Variants in NR2C1 observed in about 807,000 individuals in gnomAD.
NR2C1 encodes nuclear receptor subfamily 2 group C member 1.
A neutral mutation model predicts 74.8 loss-of-function variants in NR2C1; 33 were observed. The ratio of observed to expected loss-of-function variants is 0.44; its 90% CI spans 0.33 to 0.59. The LOEUF is 0.59. Among genes scored for constraint, NR2C1 ranks in the 20% least tolerant of loss-of-function variants. The probability of loss-of-function intolerance (pLI) is 0.02; values close to 1 mark genes in which losing one functional copy is unlikely to be tolerated. For missense variants in NR2C1, 568 were observed against 715.6 expected, an observed-to-expected ratio of 0.79 and a Z score of 2.35; for synonymous variants, 225 against 240.6, an observed-to-expected ratio of 0.94 and a Z score of 0.60.
At chr12:95,036,427 C>T (rs1349584315) in intron 10 of NR2C1, among the ~76,000 whole-genome samples, 1 of 133,496 alleles carries the variant, frequency 7.5e-6, no homozygotes, top group Non-Finnish European at 1.6e-5. Context: ...AAAGCATTAA[C>T]TTGTAAAATT....
intron 11 of NR2C1, chr12:95,030,936 A>G (rs1240860298): frequency 8.1e-7 from 1 of 1,235,930 alleles, no homozygotes; most frequent in Non-Finnish European, 1.2e-6. Flanking sequence ...TTTAGGTGAG[A>G]GAATACACTC....
chr12:95,038,372 G>C (rs1052932887), intron 10 of NR2C1, among the ~76,000 whole-genome samples: 8 of 152,204 alleles, frequency 5.3e-5, no homozygotes, highest in Admixed American at 6.5e-5. Context: ...TATAATAACT[G>C]ATAGCCTATC....
At chr12:95,049,038 A>T (rs1190755038) in intron 9 of NR2C1, 30 bp downstream of exon 9, 1 of 1,596,470 alleles carries the variant, frequency 6.3e-7, no homozygotes, top group African/African-American at 1.3e-5. Context: ...GCAACACAAC[A>T]TACAAGTTAA....
At chr12:95,068,307 C>T (rs1321170682) in intron 1 of NR2C1, among the ~76,000 whole-genome samples, 1 of 152,156 alleles carries the variant, frequency 6.6e-6, no homozygotes, top group African/African-American at 2.4e-5. Context: ...TCAATTATCT[C>T]TTTTAAGGCC....
chr12:95,072,970 G>T (rs773252411), intron 1 of NR2C1: 1 of 152,268 alleles, frequency 6.6e-6, no homozygotes, highest in African/African-American at 2.4e-5. Context: ...ACTCGTGCCG[G>T]CGTTAGCCGT....
At position 95,051,878 on chromosome 12, in the gene NR2C1, T is replaced by C; in HGVS notation, c.849A>G (p.Gly283=). 6.2e-7 allele frequency: 1 copy of C among 1,612,178 alleles called. No homozygotes were observed. Among genetic ancestry groups the C allele is most frequent in the Non-Finnish European group, 8.5e-7 (1 of 1,179,532 alleles). The part of the protein sequence containing the change: ...ANVVTSLANL[G]KTKDLSQNSN... Reference sequence around the variant, plus strand: ...TATTTTGAGAAAGATCTTTAGTTTTTCCAAGATTCGCTAATGATGTAACCA... The same window carrying C: ...TATTTTGAGAAAGATCTTTAGTTTTCCCAAGATTCGCTAATGATGTAACCA... The change falls in exon 8 of 14, where the codon GGA becomes GGG. Residue 283 remains glycine, a synonymous_variant. Transcript: ENST00000333003.
Position 95,061,295 on chromosome 12 carries a change from A to C in NR2C1, c.285+1213T>G, listed in dbSNP as rs371901794. 2.9e-4 allele frequency among the ~76,000 whole-genome samples: 44 copies of C among 152,340 alleles called. No individual in the cohort carries two copies. In the East Asian group the frequency reaches 7.7e-3, roughly 27 times the overall value. The stretch of plus-strand genomic sequence containing the variant: ...AAAACTAAGGAAAGTCTAAACACCT[A>C]TAAACTTCAGTTAACAATGTATCAG... On this transcript the variant is annotated intron_variant, in intron 3 of 13. Coordinates refer to ENST00000333003, the MANE Select transcript of NR2C1 (RefSeq NM_003297.4).
intron 13 of NR2C1, 144 bp from the exon 14 acceptor site, chr12:95,022,547 C>A: frequency 1.4e-6 from 1 of 714,022 alleles, no homozygotes. Flanking sequence ...TTAGTATTCT[C>A]AAGCCTTAGA....
chr12:95,035,495 C>T lies in NR2C1; in HGVS notation c.1254-4007G>A, dbSNP rs139866389. On this transcript the variant is annotated intron_variant, in intron 10 of 13. Coordinates refer to ENST00000333003, the MANE Select transcript of NR2C1 (RefSeq NM_003297.4). The stretch of plus-strand genomic sequence containing the variant: ...AAAATCAGAGCTGGCTTGTGCTATG[C>T]ATCTTGTAGTAAGAAAGTACCTTGG... 2.5e-3 allele frequency among the ~76,000 whole-genome samples: 385 copies of T among 152,220 alleles called. 11 individuals carry two copies. The highest frequency in any genetic ancestry group is 0.025 in the East Asian group (130 of 5,184).
chr12:95,050,363 C>T (rs1015047267), intron 8 of NR2C1, among the ~76,000 whole-genome samples: 1 of 152,152 alleles, frequency 6.6e-6, no homozygotes, highest in Non-Finnish European at 1.5e-5. Context: ...GGCTAGAGTA[C>T]AGTGGCGTGA....
At chr12:95,066,493 A>T (rs1223536349) in intron 2 of NR2C1, among the ~76,000 whole-genome samples, 1 of 152,228 alleles carries the variant, frequency 6.6e-6, no homozygotes, top group Non-Finnish European at 1.5e-5. Flanking sequence ...TTGGTTGAAA[A>T]GGGGAAGGAT....
At chr12:95,023,493 A>G (rs1289558692) in intron 13 of NR2C1, among the ~76,000 whole-genome samples, 2 of 152,248 alleles carry the variant, frequency 1.3e-5, no homozygotes, top group Non-Finnish European at 2.9e-5. Context: ...GCAAAAAACT[A>G]CTGGAAGTAG....
At chr12:95,038,613 C>G (rs1871145299) in intron 10 of NR2C1, among the ~76,000 whole-genome samples, 1 of 152,200 alleles carries the variant, frequency 6.6e-6, no homozygotes, top group African/African-American at 2.4e-5. Flanking sequence ...CAAAAATTAG[C>G]TGGGCTTGGT....
At chr12:95,052,108 A>G (rs1260867651) in intron 7 of NR2C1, among the ~76,000 whole-genome samples, 165 bp from the exon 8 acceptor site, 2 of 152,128 alleles carry the variant, frequency 1.3e-5, no homozygotes, top group African/African-American at 4.8e-5. Context: ...GGAAAATACA[A>G]GTTTAAAAAC....
intron 11 of NR2C1, chr12:95,030,852 AG>A: frequency 6.2e-7 from 1 of 1,613,512 alleles, no homozygotes; most frequent in Non-Finnish European, 8.5e-7. Flanking sequence ...GAAATGAATG[AG>A]GGCTGCAATT....
At chr12:95,056,223 G>A (rs1332218099) in intron 7 of NR2C1, among the ~76,000 whole-genome samples, 1 of 152,046 alleles carries the variant, frequency 6.6e-6, no homozygotes, top group African/African-American at 2.4e-5. Flanking sequence ...CCATTACTGT[G>A]CCACCACCGT....
intron 12 of NR2C1, among the ~76,000 whole-genome samples, chr12:95,026,672 T>A (rs1869404720): frequency 6.6e-6 from 1 of 152,102 alleles, no homozygotes; most frequent in African/African-American, 2.4e-5. Flanking sequence ...TTAGAAGAAA[T>A]AGTACAAGCT....
chr12:95,038,051 G>T (rs772480103), intron 10 of NR2C1, among the ~76,000 whole-genome samples: 1 of 152,014 alleles, frequency 6.6e-6, no homozygotes, highest in Non-Finnish European at 1.5e-5. Flanking sequence ...TCTAGATAGG[G>T]ATAAAAAATA....
Position 95,058,375 on chromosome 12 carries a change from T to C in NR2C1, c.479A>G (p.His160Arg). ...RGSKDCIINK[H>R]HRNRCQYCRL... ...GCAGTATTGACAGCGGTTTCGGTGG[T>C]GCTTATTAATAATACAATCCTTTGA... Residue 160 changes from histidine to arginine, a missense_variant, in exon 5 of 14, where the codon CAC (histidine) becomes CGC (arginine). Around this residue, in one of 6 missense-constraint regions of NR2C1, gnomAD observed 44 missense variants for 95.6 expected, o/e 0.46. Transcript: ENST00000333003. The C allele has an allele frequency of 6.2e-7, 1 of 1,613,828 alleles. No individual in the cohort carries two copies.
Sources: allele counts gnomAD v4.1 joint callset (sites outside exome capture counted in the v4.1 genomes callset), GRCh38; gene constraint gnomAD v4.1.1; regional missense constraint gnomAD v4.1.1; transcripts MANE v1.5; gene names NCBI Gene and HGNC (gene_info 2026-07-23, HGNC 2026-07-21).